Variants in NUMBL observed in about 807,000 individuals in gnomAD.
NUMBL encodes the protein NUMB like endocytic adaptor protein.
In NUMBL, 20 loss-of-function variants were observed where a neutral mutation model predicts 48.9. That is an observed-to-expected ratio of 0.41 (90% CI 0.29 to 0.59). The LOEUF is 0.59. NUMBL is among the 20% of genes least tolerant of loss of function. NUMBL has a pLI of 0.31. For synonymous variants in NUMBL, 340 were observed against 348.7 expected (o/e 0.98, Z 0.28); for missense variants, 660 against 846.2 (o/e 0.78, Z 2.73).
chr19:40,668,707 C>A (rs1280286002), intron 9 of NUMBL, among the ~76,000 whole-genome samples: 1 of 152,166 alleles, frequency 6.6e-6, no homozygotes, highest in African/African-American at 2.4e-5. Context: ...AATCCCCCTG[C>A]CTCGGCTTCC....
At position 40,673,432 on chromosome 19, in the gene NUMBL, GTTC is replaced by G. The variant is rs1421014515; in HGVS notation, c.945_947del (p.Lys315del). The G allele has an allele frequency of 6.2e-7, 1 of 1,612,856 alleles. No individual in the cohort carries two copies. The highest frequency in any genetic ancestry group is 1.3e-5 in the African/African-American group (1 of 75,050). Reference sequence around the variant, plus strand: ...GGCTCAGCTGCCGTTTGAAAGGCGAGTTCTTCTGGCTGAGTGCTGGGAACCCAC... The same window carrying G: ...GGCTCAGCTGCCGTTTGAAAGGCGAGTTCTGGCTGAGTGCTGGGAACCCAC... On this transcript the variant is annotated inframe_deletion, in exon 8 of 10. Coordinates refer to ENST00000252891, the MANE Select transcript of NUMBL (RefSeq NM_004756.5). This position sits in a 1 kb window ranked among gnomAD's most constrained non-coding sequence, Gnocchi z 5.9.
At position 40,667,301 on chromosome 19, in the gene NUMBL, G is replaced by T; in HGVS notation, c.*167C>A. 1 of 967,968 alleles carries T rather than the reference G, an allele frequency of 1.0e-6. No individual in the cohort carries two copies. The highest frequency in any genetic ancestry group is 1.5e-6 in the Non-Finnish European group (1 of 673,134). The allele number at this position is 967,968 out of a possible 1,614,324, so 60.0% of individuals were successfully genotyped here. ...TGAATTCCATCCTGTTGCAACCTGG[G>T]CGTCACAATGTTGGTTCTGTAGTGG... On this transcript the variant is annotated 3_prime_UTR_variant, in exon 10 of 10. Coordinates refer to ENST00000252891, the MANE Select transcript of NUMBL (RefSeq NM_004756.5). This position sits in a 1 kb window ranked among gnomAD's most constrained non-coding sequence, Gnocchi z 6.1.
intron 3 of NUMBL, chr19:40,684,068 G>GT (rs10684015): frequency 0.014 from 1,724 of 125,124 alleles, 59 homozygotes; most frequent in South Asian, 0.031. Flanking sequence ...TACGCTTCAA[G>GT]TTTTTTTTTT....
chr19:40,688,805 C>A lies in NUMBL; in HGVS notation c.24+1655G>T, dbSNP rs3865450. Among the ~76,000 whole-genome samples, 312 of 152,328 alleles carry A rather than the reference C, an allele frequency of 2.0e-3. 1 individual carries two copies. Among genetic ancestry groups the A allele is most frequent in the African/African-American group, 7.2e-3 (299 of 41,558 alleles). On this transcript the variant is annotated intron_variant, in intron 1 of 9. Transcript: ENST00000252891. The surrounding 1 kb of genome is among the most constrained non-coding windows in gnomAD (Gnocchi z 4.6). ...AGGGTTTCAGACACCAAGTCAAATA[C>A]ATAACCCAAATCACACATGCAAGGC...
Position 40,673,390 on chromosome 19 carries a change from C to A in NUMBL, c.990G>T (p.Leu330=). 1 of 1,613,884 alleles carries A rather than the reference C, an allele frequency of 6.2e-7. No individual in the cohort carries two copies. The highest frequency in any genetic ancestry group is 1.1e-5 in the South Asian group (1 of 91,036). ...CAGTGCGGCGCTGCAGCGTGGATGG[C>A]AGCTCATTCAGCCGTAGGCTCAGCT... is the stretch of plus-strand genomic sequence containing the variant. ...KRQLSLRLNE[L]PSTLQRRTDF... Residue 330 remains leucine (L), a synonymous_variant, in exon 8 of 10, where the codon CTG becomes CTT. Coordinates refer to ENST00000252891, the MANE Select transcript of NUMBL (RefSeq NM_004756.5). This position sits in a 1 kb window ranked among gnomAD's most constrained non-coding sequence, Gnocchi z 5.9.
chr19:40,675,769 TCTCA>T (rs1286984683), intron 7 of NUMBL, among the ~76,000 whole-genome samples: 2 of 152,124 alleles, frequency 1.3e-5, no homozygotes, highest in African/African-American at 4.8e-5. Context: ...ACACTCTCTC[TCTCA>T]AATAAAAGTA....
At position 40,667,552 on chromosome 19, in the gene NUMBL, C is replaced by T. The variant is rs571622741; in HGVS notation, c.1746G>A (p.Ala582=). ...CTACAGTGGCTTTGCCTTCTAATGCCGCCCACTGGGCCTCAAAGGGGTCCA... is the reference window on the plus strand; with the variant it reads ...CTACAGTGGCTTTGCCTTCTAATGCTGCCCACTGGGCCTCAAAGGGGTCCA... ...PELDPFEAQW[A]ALEGKATVEK... is the part of the protein sequence containing the mutation. The change falls in exon 10 of 10, where the codon GCG becomes GCA. Residue 582 remains alanine (A), a synonymous_variant. Transcript: ENST00000252891. This position sits in a 1 kb window ranked among gnomAD's most constrained non-coding sequence, Gnocchi z 6.1. 8.3e-6 allele frequency: 13 copies of T among 1,563,698 alleles called. No individual in the cohort carries two copies. Among genetic ancestry groups the T allele is most frequent in the South Asian group, 3.5e-5 (3 of 85,040 alleles).
At chr19:40,678,998 G>A (rs929696371) in intron 6 of NUMBL, among the ~76,000 whole-genome samples, 4 of 152,170 alleles carry the variant, frequency 2.6e-5, no homozygotes, top group African/African-American at 9.7e-5. Context: ...GGCTGTGGCA[G>A]GAGAATCACT....
At chr19:40,689,161 G>A (rs1439599545) in intron 1 of NUMBL, among the ~76,000 whole-genome samples, 2 of 151,968 alleles carry the variant, frequency 1.3e-5, no homozygotes, top group Non-Finnish European at 2.9e-5. Flanking sequence ...CTCCACCCAC[G>A]TCCTGTCAGT....
At chr19:40,672,171 C>T (rs1021114697) in intron 8 of NUMBL, among the ~76,000 whole-genome samples, 3 of 152,222 alleles carry the variant, frequency 2.0e-5, no homozygotes, top group East Asian at 3.8e-4. Context: ...TGAGCCACTG[C>T]ACTTGGCTAG....
Position 40,686,963 on chromosome 19 carries a change from G to A in NUMBL, c.57C>T (p.Pro19=), listed in dbSNP as rs1258427835. 3 of 1,535,792 alleles carry A rather than the reference G, an allele frequency of 2.0e-6. No homozygotes were observed. The highest frequency in any genetic ancestry group is 2.8e-5 in the African/African-American group (2 of 71,828). The change falls in exon 2 of 10, where the codon CCC becomes CCT. Residue 19 remains proline (P), a synonymous_variant. Transcript: ENST00000252891. The part of the protein sequence containing the change: ...GGPRRPERHL[P]PAPCGAPGPP... The stretch of plus-strand genomic sequence containing the variant: ...GCCCCGGGGCCCCACAGGGGGCTGG[G>A]GGCAGGTGCCGCTCAGGCCTCCGGG...
intron 3 of NUMBL, 189 bp downstream of exon 3, chr19:40,684,228 G>A (rs964419700): frequency 1.5e-5 from 9 of 607,016 alleles, no homozygotes; most frequent in African/African-American, 4.0e-5. Flanking sequence ...GCCACCACGC[G>A]AGGCTAATTT....
At chr19:40,679,410 G>A (rs2081893929) in intron 6 of NUMBL, among the ~76,000 whole-genome samples, 1 of 151,982 alleles carries the variant, frequency 6.6e-6, no homozygotes, top group Admixed American at 6.6e-5. Flanking sequence ...CGGGCAGGGT[G>A]GCTCACACCT....
chr19:40,669,127 AT>A (rs1196721122), intron 9 of NUMBL, among the ~76,000 whole-genome samples: 3 of 152,006 alleles, frequency 2.0e-5, no homozygotes, highest in African/African-American at 7.3e-5. Flanking sequence ...CTCTAAGATA[AT>A]TCATGGTTCT....
rs1485421932 is a variant in NUMBL at position 40,666,660 on chromosome 19, T to C, written c.*808A>G. 7 of 152,650 alleles carry C rather than the reference T, an allele frequency of 4.6e-5. No homozygotes were observed. The allele number at this position is 152,650 out of a possible 1,614,324, so 9.5% of individuals were successfully genotyped here. A position where few individuals can be genotyped will look rare whatever the true frequency, so the allele number is the denominator to read the frequency against. Reference sequence around the variant, plus strand: ...AGGTTCTAGGGCCTCACCAGCGCCCTACACACACCCTCGTTTCCCGAGGGG... The same window carrying C: ...AGGTTCTAGGGCCTCACCAGCGCCCCACACACACCCTCGTTTCCCGAGGGG... On this transcript the variant is annotated 3_prime_UTR_variant, in exon 10 of 10. Coordinates refer to ENST00000252891, the MANE Select transcript of NUMBL (RefSeq NM_004756.5).
chr19:40,684,903 G>C (rs1466169971), intron 2 of NUMBL: 5 of 267,058 alleles, frequency 1.9e-5, no homozygotes, highest in Non-Finnish European at 2.9e-5. Context: ...AGGGCCGTGA[G>C]GACACAAAGG....
chr19:40,679,026 G>C (rs1350778331), intron 6 of NUMBL, among the ~76,000 whole-genome samples: 1 of 152,172 alleles, frequency 6.6e-6, no homozygotes, highest in Non-Finnish European at 1.5e-5. Context: ...TGGAGGCGGA[G>C]GTTTCAGTGA....
At chr19:40,668,802 T>C (rs1450956474) in intron 9 of NUMBL, among the ~76,000 whole-genome samples, 1 of 152,162 alleles carries the variant, frequency 6.6e-6, no homozygotes, top group African/African-American at 2.4e-5. Flanking sequence ...TCTAATACCT[T>C]CAGAATGTAT....
rs2081804122 is a variant in NUMBL at position 40,666,054 on chromosome 19, A to G, written c.*1414T>C. 6.6e-6 allele frequency: 1 copy of G among 152,244 alleles called. No individual in the cohort carries two copies. The highest frequency in any genetic ancestry group is 1.5e-5 in the Non-Finnish European group (1 of 68,050). The allele number at this position is 152,244 out of a possible 1,614,324, so 9.4% of individuals were successfully genotyped here. ...GGCCAGAGTTATGGAAAATGCTGAC[A>G]AAACAAGAATTTGCCAGCATGGGCA... On this transcript the variant is annotated 3_prime_UTR_variant, in exon 10 of 10. Coordinates refer to ENST00000252891, the MANE Select transcript of NUMBL (RefSeq NM_004756.5).
Sources: allele counts gnomAD v4.1 joint callset (sites outside exome capture counted in the v4.1 genomes callset), GRCh38; gene constraint gnomAD v4.1.1; non-coding constraint Gnocchi (gnomAD v3.1); transcripts MANE v1.5; gene names NCBI Gene and HGNC (gene_info 2026-07-23, HGNC 2026-07-21).